Variants in TTC29 observed in about 807,000 individuals in gnomAD.
The protein encoded by TTC29 is tetratricopeptide repeat protein 29.
TTC29 carries 49 observed loss-of-function variants against 58.1 expected under a neutral mutation model. That is an observed-to-expected ratio of 0.84 (90% confidence interval 0.67 to 1.07). TTC29 has a LOEUF of 1.07. Ranked by LOEUF, TTC29 falls within the 50% of genes least tolerant of loss-of-function variation. TTC29 has a pLI of 0.00. For synonymous variants in TTC29, 209 were observed against 196.8 expected (o/e 1.06, Z -0.52); for missense variants, 582 against 555.6 (o/e 1.05, Z -0.48).
chr4:146,724,740 C>T (rs1743645982), intron 11 of TTC29, among the ~76,000 whole-genome samples: 1 of 152,126 alleles, frequency 6.6e-6, no homozygotes, highest in African/African-American at 2.4e-5. Context: ...TCTTGAGCTC[C>T]TGACCTCAGG....
intron 8 of TTC29, among the ~76,000 whole-genome samples, chr4:146,863,930 G>C (rs1308199926): frequency 6.6e-6 from 1 of 152,064 alleles, no homozygotes; most frequent in Non-Finnish European, 1.5e-5. Flanking sequence ...ATAGGGGAAG[G>C]CCATCTGCTT....
intron 2 of TTC29, among the ~76,000 whole-genome samples, chr4:146,942,107 ATAAT>A (rs1463495373): frequency 2.6e-5 from 4 of 152,244 alleles, no homozygotes; most frequent in African/African-American, 7.2e-5. Flanking sequence ...AATTTTTTAC[ATAAT>A]TAAAGAGAAT....
rs146811657 is a variant in TTC29 at position 146,761,188 on chromosome 4, C to T, written c.1330+42269G>A. Among the ~76,000 whole-genome samples the T allele has an allele frequency of 1.2e-3, 178 of 151,966 alleles. 1 individual carries two copies. Among genetic ancestry groups the T allele is most frequent in the African/African-American group, 4.1e-3 (170 of 41,512 alleles). ...TCATAAGTCACCACTAAAGAACTTA[C>T]TCATGTAACCAAATACCACCTGAAC... On this transcript the variant is annotated intron_variant, in intron 11 of 12. Coordinates refer to ENST00000325106, the MANE Select transcript of TTC29 (RefSeq NM_031956.4).
At chr4:146,800,016 A>AAACAATTTCAGTTGATTTAGGATG (rs886775297) in intron 11 of TTC29, among the ~76,000 whole-genome samples, 1 of 152,226 alleles carries the variant, frequency 6.6e-6, no homozygotes, top group Non-Finnish European at 1.5e-5. Context: ...TTCTGGAGCC[A>AAACAATTTCAGTTGATTTAGGATG]AACAATTTCA....
intron 11 of TTC29, among the ~76,000 whole-genome samples, chr4:146,738,253 T>C (rs1366759465): frequency 6.6e-6 from 1 of 152,078 alleles, no homozygotes; most frequent in Non-Finnish European, 1.5e-5. Context: ...GGTGAAGAAA[T>C]GGATAAATGG....
Position 146,803,681 on chromosome 4 carries a change from T to G in TTC29, c.1106A>C (p.Tyr369Ser), listed in dbSNP as rs985103553. Reference sequence around the variant, plus strand: ...AAAGCATTCAGAAGCTTTGTTGTAGTATCCCTAAAAAGGTAAGAGAAATAA... The same window carrying G: ...AAAGCATTCAGAAGCTTTGTTGTAGGATCCCTAAAAAGGTAAGAGAAATAA... Reference protein sequence around the residue: ...MLGDIYNEKGYYNKASECFQQ... With the variant: ...MLGDIYNEKGSYNKASECFQQ... Residue 369 changes from tyrosine (Y) to serine (S), a missense_variant, in exon 11 of 13, where the codon TAC (tyrosine) becomes TCC (serine). Coordinates refer to ENST00000325106, the MANE Select transcript of TTC29 (RefSeq NM_031956.4). The G allele has an allele frequency of 4.4e-6, 7 of 1,576,462 alleles. No individual in the cohort carries two copies. The African/African-American group carries it at 8.1e-5, about 18-fold the overall frequency.
At chr4:146,826,234 G>A (rs1727787904) in intron 9 of TTC29, among the ~76,000 whole-genome samples, 1 of 152,076 alleles carries the variant, frequency 6.6e-6, no homozygotes, top group Non-Finnish European at 1.5e-5. Flanking sequence ...GTGTGTTTTT[G>A]CAGTGGCTGG....
chr4:146,770,017 G>A (rs1237196237), intron 11 of TTC29, among the ~76,000 whole-genome samples: 1 of 151,980 alleles, frequency 6.6e-6, no homozygotes, highest in Non-Finnish European at 1.5e-5. Context: ...GCTCAAGCAA[G>A]TGGGGGCACT....
At chr4:146,820,358 T>C in intron 9 of TTC29, 110 bp from the exon 10 acceptor site, 1 of 1,177,624 alleles carries the variant, frequency 8.5e-7, no homozygotes, top group Non-Finnish European at 1.2e-6. Flanking sequence ...GTTATCAGGA[T>C]AATAAGATTT....
At chr4:146,750,266 C>A (rs987359768) in intron 11 of TTC29, among the ~76,000 whole-genome samples, 2 of 152,168 alleles carry the variant, frequency 1.3e-5, no homozygotes, top group African/African-American at 4.8e-5. Context: ...CTCGGCCTCC[C>A]AAAGTGCTGG....
At chr4:146,895,057 T>A (rs890374443) in intron 6 of TTC29, among the ~76,000 whole-genome samples, 4 of 152,208 alleles carry the variant, frequency 2.6e-5, no homozygotes, top group African/African-American at 9.6e-5. Flanking sequence ...CTCCCACTTA[T>A]AAGTGAGAAC....
intron 6 of TTC29, among the ~76,000 whole-genome samples, chr4:146,876,805 G>T (rs889266282): frequency 6.6e-6 from 1 of 151,938 alleles, no homozygotes; most frequent in African/African-American, 2.4e-5. Context: ...CCATGGTGGT[G>T]CACACCTGTA....
At chr4:146,920,828 A>G (rs991033074) in intron 4 of TTC29, among the ~76,000 whole-genome samples, 2 of 151,118 alleles carry the variant, frequency 1.3e-5, no homozygotes, top group Non-Finnish European at 3.0e-5. Flanking sequence ...AATTATATAT[A>G]TTCTATATGT....
chr4:146,772,205 T>C (rs1456455632), intron 11 of TTC29, among the ~76,000 whole-genome samples: 1 of 152,194 alleles, frequency 6.6e-6, no homozygotes, highest in East Asian at 1.9e-4. Context: ...AGGTTGTCTG[T>C]TTACTATGTC....
At chr4:146,823,774 C>T (rs1751998108) in intron 9 of TTC29, among the ~76,000 whole-genome samples, 1 of 152,130 alleles carries the variant, frequency 6.6e-6, no homozygotes, top group South Asian at 2.1e-4. Context: ...TCTCTTATTT[C>T]CTTCAGTAGT....
intron 10 of TTC29, among the ~76,000 whole-genome samples, chr4:146,811,246 C>T (rs1358184127): frequency 1.3e-5 from 2 of 152,084 alleles, no homozygotes; most frequent in Non-Finnish European, 2.9e-5. Flanking sequence ...CTAAATACTT[C>T]GTATATATTA....
In TTC29 at chr4:146,943,379, A is replaced by G. The variant is rs540728275; in HGVS notation, c.-7+1652T>C. On this transcript the variant is annotated intron_variant, in intron 2 of 12. Coordinates refer to ENST00000325106, the MANE Select transcript of TTC29 (RefSeq NM_031956.4). ...CACAAACTCTGAATGGGGGGTGGTC[A>G]GAGCTGAATGATAAAGTGGAAAAAA... Among the ~76,000 whole-genome samples, 8 of 152,114 alleles carry G rather than the reference A, an allele frequency of 5.3e-5. No homozygotes were observed. In the East Asian group the frequency reaches 1.5e-3, roughly 29 times the overall value.
At chr4:146,723,869 A>T (rs1458029552) in intron 11 of TTC29, among the ~76,000 whole-genome samples, 1 of 152,252 alleles carries the variant, frequency 6.6e-6, no homozygotes, top group Non-Finnish European at 1.5e-5. Flanking sequence ...GAGAAATCCC[A>T]TTACTGGGTA....
intron 4 of TTC29, among the ~76,000 whole-genome samples, chr4:146,919,000 T>C (rs1362258149): frequency 1.3e-5 from 2 of 151,174 alleles, no homozygotes; most frequent in Admixed American, 1.3e-4. Flanking sequence ...AAAAAAGGAT[T>C]GGAAGAAAAG....
Sources: allele counts gnomAD v4.1 joint callset (sites outside exome capture counted in the v4.1 genomes callset), GRCh38; gene constraint gnomAD v4.1.1; transcripts MANE v1.5; gene names NCBI Gene and HGNC (gene_info 2026-07-23, HGNC 2026-07-21).